Variants in FBXL7 observed in about 807,000 individuals in gnomAD.
FBXL7 encodes the protein F-box and leucine rich repeat protein 7, also known as F-box/LRR-repeat protein 7.
A neutral mutation model predicts 38.3 loss-of-function variants in FBXL7; 12 were observed. That is an observed-to-expected ratio of 0.31 (90% CI 0.20 to 0.51). The LOEUF is 0.51. Among genes scored for constraint, FBXL7 ranks in the 20% least tolerant of loss-of-function variants. FBXL7 has a pLI of 0.98. For synonymous variants in FBXL7, 297 were observed against 300.9 expected, an observed-to-expected ratio of 0.99 and a Z score of 0.13; for missense variants, 567 against 676.4, an observed-to-expected ratio of 0.84 and a Z score of 1.79.
At chr5:15,830,995 G>A (rs185324226) in intron 2 of FBXL7, among the ~76,000 whole-genome samples, 1 of 152,256 alleles carries the variant, frequency 6.6e-6, no homozygotes, top group East Asian at 1.9e-4. Flanking sequence ...CAGTCCTGGA[G>A]TCTAGTTCTT....
intron 2 of FBXL7, among the ~76,000 whole-genome samples, chr5:15,906,231 A>C (rs1433319227): frequency 6.6e-6 from 1 of 151,966 alleles, no homozygotes; most frequent in Non-Finnish European, 1.5e-5. Flanking sequence ...GGTCAATGCT[A>C]TGTTATATAG....
intron 1 of FBXL7, among the ~76,000 whole-genome samples, chr5:15,598,571 G>T (rs1016189173): frequency 1.3e-5 from 2 of 152,138 alleles, no homozygotes; most frequent in African/African-American, 4.8e-5. Flanking sequence ...CCCATTAACT[G>T]GTAATGGCTC....
chr5:15,730,444 A>G (rs75830992), intron 2 of FBXL7, among the ~76,000 whole-genome samples: 1,537 of 152,248 alleles, frequency 0.01, 12 homozygotes, highest in South Asian at 0.043. Flanking sequence ...TCATTCTGTT[A>G]TATTAAAAAA....
intron 2 of FBXL7, among the ~76,000 whole-genome samples, chr5:15,771,208 C>A (rs1736721401): frequency 1.3e-5 from 2 of 152,170 alleles, no homozygotes. Context: ...ACAGCATTTG[C>A]TTCTACCTTT....
At chr5:15,917,020 G>A (rs1346913092) in intron 2 of FBXL7, among the ~76,000 whole-genome samples, 1 of 152,180 alleles carries the variant, frequency 6.6e-6, no homozygotes, top group Non-Finnish European at 1.5e-5. Context: ...GAAGTGGGTA[G>A]ACTTATTTCC....
At chr5:15,700,465 T>C (rs939246234) in intron 2 of FBXL7, among the ~76,000 whole-genome samples, 1 of 152,228 alleles carries the variant, frequency 6.6e-6, no homozygotes, top group African/African-American at 2.4e-5. Flanking sequence ...TCCAATTGCA[T>C]GTCCTTAACT....
chr5:15,781,931 T>C (rs893286394), intron 2 of FBXL7, among the ~76,000 whole-genome samples: 1 of 152,172 alleles, frequency 6.6e-6, no homozygotes, highest in African/African-American at 2.4e-5. Flanking sequence ...GCTGCACCTA[T>C]CAACCCGTCA....
chr5:15,707,778 A>G (rs1384797986), intron 2 of FBXL7, among the ~76,000 whole-genome samples: 1 of 152,126 alleles, frequency 6.6e-6, no homozygotes, highest in African/African-American at 2.4e-5. Context: ...TATGCCCCAA[A>G]TCACTTCAAA....
chr5:15,580,098 C>T (rs1549696), intron 1 of FBXL7, among the ~76,000 whole-genome samples: 11,282 of 151,920 alleles, frequency 0.074, 552 homozygotes, highest in South Asian at 0.17. Flanking sequence ...AGGTAATTAG[C>T]GTTAAAAAAG....
chr5:15,859,541 C>T (rs1156349560), intron 2 of FBXL7, among the ~76,000 whole-genome samples: 1 of 152,142 alleles, frequency 6.6e-6, no homozygotes, highest in Non-Finnish European at 1.5e-5. Flanking sequence ...CGGGAAGTCT[C>T]ACAATCATGG....
chr5:15,817,522 C>G (rs547546033), intron 2 of FBXL7, among the ~76,000 whole-genome samples: 1 of 152,238 alleles, frequency 6.6e-6, no homozygotes, highest in Admixed American at 6.5e-5. Flanking sequence ...TTGGCTATGT[C>G]CCCATCCAAA....
chr5:15,747,605 A>G (rs141993231), intron 2 of FBXL7, among the ~76,000 whole-genome samples: 4 of 152,354 alleles, frequency 2.6e-5, no homozygotes, highest in Non-Finnish European at 5.9e-5. Flanking sequence ...CCAACAATAT[A>G]GGAATATACT....
intron 2 of FBXL7, among the ~76,000 whole-genome samples, chr5:15,904,329 G>A (rs1199812811): frequency 1.3e-5 from 2 of 152,162 alleles, no homozygotes; most frequent in African/African-American, 4.8e-5. Context: ...TAACCGTCAT[G>A]TGAATACACA....
At chr5:15,875,897 A>T (rs1253725641) in intron 2 of FBXL7, among the ~76,000 whole-genome samples, 2 of 152,236 alleles carry the variant, frequency 1.3e-5, no homozygotes, top group Non-Finnish European at 2.9e-5. Flanking sequence ...CAATCCCATT[A>T]CTGGGTATAT....
rs943524794 is a variant in FBXL7, at chr5:15,671,645, T to G, written c.127+55573T>G. Among the ~76,000 whole-genome samples the G allele has an allele frequency of 3.9e-5, 6 of 152,230 alleles. No individual in the cohort carries two copies. In the South Asian group the frequency reaches 6.2e-4, roughly 16 times the overall value. On this transcript the variant is annotated intron_variant, in intron 2 of 3. Coordinates refer to ENST00000504595, the MANE Select transcript of FBXL7 (RefSeq NM_012304.5). Reference sequence around the variant, plus strand: ...CTGCCTCAGGATGATTCTATTTTGGTTTAGTTACCACAAGGATATTAGTGG... The same window carrying G: ...CTGCCTCAGGATGATTCTATTTTGGGTTAGTTACCACAAGGATATTAGTGG...
chr5:15,673,436 A>T (rs1225924734), intron 2 of FBXL7, among the ~76,000 whole-genome samples: 1 of 152,214 alleles, frequency 6.6e-6, no homozygotes, highest in African/African-American at 2.4e-5. Context: ...AAGGTCATCT[A>T]GTAGTAGTTG....
At chr5:15,531,490 G>T (rs1438194340) in intron 1 of FBXL7, among the ~76,000 whole-genome samples, 1 of 152,182 alleles carries the variant, frequency 6.6e-6, no homozygotes, top group Non-Finnish European at 1.5e-5. Context: ...GAACCCCTGA[G>T]AGACAGCAAG....
intron 2 of FBXL7, among the ~76,000 whole-genome samples, chr5:15,716,072 G>A (rs1744034900): frequency 6.6e-6 from 1 of 152,190 alleles, no homozygotes; most frequent in Non-Finnish European, 1.5e-5. Context: ...CTAAGAGTAT[G>A]TACTTCTCAT....
At chr5:15,603,317 AATTG>A (rs1201280525) in intron 1 of FBXL7, among the ~76,000 whole-genome samples, 2 of 152,210 alleles carry the variant, frequency 1.3e-5, no homozygotes, top group African/African-American at 2.4e-5. Flanking sequence ...ATTAATAGCT[AATTG>A]ATTATTTATG....
Sources: gnomAD v4.1 joint callset for allele counts (sites outside exome capture counted in the v4.1 genomes callset) on GRCh38, gnomAD v4.1.1 for gene constraint, MANE v1.5 for transcripts, NCBI Gene and HGNC (gene_info 2026-07-23, HGNC 2026-07-21) for gene names.